Variants in GATA4 observed in about 807,000 individuals in gnomAD.
GATA4 encodes transcription factor GATA-4.
GATA4 carries 7 observed loss-of-function variants against 37.9 expected under a neutral mutation model. That is an observed-to-expected ratio of 0.18 (90% CI 0.11 to 0.35). The LOEUF (loss-of-function observed/expected upper bound fraction) is 0.35. Ranked by LOEUF, GATA4 falls within the 10% of genes least tolerant of loss-of-function variation. The probability of loss-of-function intolerance (pLI) is 1.00; values close to 1 mark genes in which losing one functional copy is unlikely to be tolerated. For missense variants in GATA4, 647 were observed against 653.0 expected (o/e 0.99, Z 0.10); for synonymous variants, 372 against 292.6 (o/e 1.27, Z -2.77).
At chr8:11,715,111 C>G (rs1182875527) in intron 2 of GATA4, among the ~76,000 whole-genome samples, 1 of 152,092 alleles carries the variant, frequency 6.6e-6, no homozygotes, top group African/African-American at 2.4e-5. Flanking sequence ...TAATGAAGTT[C>G]ATTATCTAAT....
upstream of GATA4, among the ~76,000 whole-genome samples, chr8:11,690,786 G>C (rs145814369): frequency 2.0e-3 from 302 of 152,316 alleles, 2 homozygotes; most frequent in African/African-American, 7.1e-3. Flanking sequence ...TGGGAGGATC[G>C]CTTGAGCCCA....
At chr8:11,700,523 C>T (rs1234874902), upstream of GATA4, 5 of 152,344 alleles carry the variant, frequency 3.3e-5, no homozygotes, top group African/African-American at 1.2e-4. Flanking sequence ...ACGCATCCTG[C>T]TCTGCACCCT....
intron 2 of GATA4, among the ~76,000 whole-genome samples, chr8:11,720,700 T>C (rs1204095447): frequency 6.6e-6 from 1 of 152,198 alleles, no homozygotes; most frequent in Non-Finnish European, 1.5e-5. Flanking sequence ...GAACATGCGG[T>C]TAGTTTCCTT....
In GATA4 at chr8:11,709,577, G is replaced by T. The variant is rs988486472; in HGVS notation, c.616+649G>T. ...GCGTGGGCGCATCATGCGGGCAGCG[G>T]GGGGGGGGGCGCACACGCCCGGTCA... On this transcript the variant is annotated intron_variant, in intron 2 of 6. Coordinates refer to ENST00000532059, the MANE Select transcript of GATA4 (RefSeq NM_001308093.3). The surrounding 1 kb of genome is among the most constrained non-coding windows in gnomAD (Gnocchi z 4.3). Among the ~76,000 whole-genome samples the T allele has an allele frequency of 3.7e-5, 5 of 136,380 alleles. No individual in the cohort carries two copies. Among genetic ancestry groups the T allele is most frequent in the Admixed American group, 1.4e-4 (2 of 14,168 alleles). 89.5% of individuals were successfully genotyped at this position (136,380 alleles called of 152,430 possible). A position where few individuals can be genotyped will look rare whatever the true frequency, so the allele number is the denominator to read the frequency against.
intron 2 of GATA4, among the ~76,000 whole-genome samples, chr8:11,723,972 G>A (rs1254213197): frequency 2.0e-5 from 3 of 152,058 alleles, no homozygotes; most frequent in East Asian, 1.9e-4. Flanking sequence ...TAACGTCTCC[G>A]TATCCCCTTC....
intron 1 of GATA4, among the ~76,000 whole-genome samples, chr8:11,677,876 G>A (rs1038546567): frequency 1.3e-5 from 2 of 152,104 alleles, no homozygotes; most frequent in Admixed American, 1.3e-4. Context: ...TGCGTGCGTT[G>A]CAGAGCTTGG....
At chr8:11,691,417 C>G (rs1324343521), upstream of GATA4, among the ~76,000 whole-genome samples, 1 of 152,220 alleles carries the variant, frequency 6.6e-6, no homozygotes, top group Non-Finnish European at 1.5e-5. Context: ...CTTCCCACCT[C>G]AGTCCTCCTG....
intron 1 of GATA4, among the ~76,000 whole-genome samples, chr8:11,704,544 C>A (rs1799805099): frequency 6.6e-6 from 1 of 152,252 alleles, no homozygotes; most frequent in Non-Finnish European, 1.5e-5. Context: ...CCTTTGGATT[C>A]TTTCCGTGTG....
rs1799937360 is a variant in GATA4 at position 11,707,405 on chromosome 8, G to C, written c.-457-451G>C. The stretch of plus-strand genomic sequence containing the variant: ...CTTGTCCCCCCAAGGACAATCTAAA[G>C]TTCTTTCTAGGCCAGTCTCCCCATC... On this transcript the variant is annotated intron_variant, in intron 1 of 6. Transcript: ENST00000532059. This position sits in a 1 kb window ranked among gnomAD's most constrained non-coding sequence, Gnocchi z 4.7. Among the ~76,000 whole-genome samples, 1 of 151,756 alleles carries C rather than the reference G, an allele frequency of 6.6e-6. No homozygotes were observed. Among genetic ancestry groups the C allele is most frequent in the Admixed American group, 6.6e-5 (1 of 15,236 alleles).
chr8:11,732,313 A>G (rs1443128026), intron 2 of GATA4, among the ~76,000 whole-genome samples: 1 of 152,234 alleles, frequency 6.6e-6, no homozygotes, highest in East Asian at 1.9e-4. Flanking sequence ...ACGTATTGTC[A>G]TCGAACTATT....
chr8:11,681,600 C>T (rs1798976424), intron 1 of GATA4: 1 of 398,698 alleles, frequency 2.5e-6, no homozygotes, highest in East Asian at 1.6e-4. Context: ...CTGTTCTTAA[C>T]AATTTTATTT....
chr8:11,700,844 T>A (rs985352376), upstream of GATA4: 23 of 152,194 alleles, frequency 1.5e-4, no homozygotes, highest in African/African-American at 5.1e-4. Context: ...TGGCGCCAGA[T>A]TTTTTCAGAT....
At chr8:11,710,424 C>G (rs923423006) in intron 2 of GATA4, among the ~76,000 whole-genome samples, 7 of 152,090 alleles carry the variant, frequency 4.6e-5, no homozygotes, top group Admixed American at 2.0e-4. Flanking sequence ...GGGGTCCTCT[C>G]CAGGGCCCTC....
chr8:11,725,025 G>A (rs62489342), intron 2 of GATA4, among the ~76,000 whole-genome samples: 5,776 of 152,316 alleles, frequency 0.038, 309 homozygotes, highest in African/African-American at 0.12. Flanking sequence ...GACGTTGCCC[G>A]CTCAGGGGTG....
intron 1 of GATA4, among the ~76,000 whole-genome samples, chr8:11,696,991 C>G (rs758074671): frequency 9.9e-5 from 15 of 152,284 alleles, no homozygotes; most frequent in East Asian, 3.9e-4. Flanking sequence ...GGAGGCCCCC[C>G]GGGGAGATGG....
chr8:11,682,172 T>C (rs746841808), intron 1 of GATA4, among the ~76,000 whole-genome samples: 1 of 152,242 alleles, frequency 6.6e-6, no homozygotes, highest in African/African-American at 2.4e-5. Context: ...TCTGACAAGA[T>C]TGATTCACTC....
At chr8:11,690,453 A>G (rs969600371), upstream of GATA4, among the ~76,000 whole-genome samples, 1 of 152,252 alleles carries the variant, frequency 6.6e-6, no homozygotes, top group Non-Finnish European at 1.5e-5. Context: ...AGAGGTATAT[A>G]GAGAGGCAGA....
chr8:11,696,660 A>G lies in GATA4; in HGVS notation c.-728-3848A>G, dbSNP rs540693867. Among the ~76,000 whole-genome samples the G allele has an allele frequency of 7.2e-5, 11 of 152,356 alleles. 1 individual carries two copies. Among genetic ancestry groups the G allele is most frequent in the African/African-American group, 2.6e-4 (11 of 41,586 alleles). ...TGTCCTGAAGCTCATTGCAAATAGT[A>G]TATCTGCTGGGGCATGTTCAAAGAC... On this transcript the variant is annotated intron_variant, in intron 1 of 2. Transcript: ENST00000526974.
At chr8:11,692,910 C>T (rs894357171) in intron 1 of GATA4, 596 of 983,916 alleles carry the variant, frequency 6.1e-4, no homozygotes, top group Non-Finnish European at 6.9e-4. Flanking sequence ...CTCCAGCCGC[C>T]TGGGGTTCCG....
Sources: allele counts gnomAD v4.1 joint callset (sites outside exome capture counted in the v4.1 genomes callset), GRCh38; gene constraint gnomAD v4.1.1; non-coding constraint Gnocchi (gnomAD v3.1); transcripts MANE v1.5; gene names NCBI Gene and HGNC (gene_info 2026-07-23, HGNC 2026-07-21).